TMEM232: variants seen among roughly 807,000 people sequenced by gnomAD.
The protein encoded by TMEM232 is transmembrane protein 232.
In TMEM232, 80 loss-of-function variants were observed where a neutral mutation model predicts 78.8. The observed-to-expected ratio is 1.01, with a 90% CI of 0.85 to 1.22. The LOEUF (loss-of-function observed/expected upper bound fraction) is 1.22, where lower values mean the gene tolerates loss of function less well. TMEM232 is among the 50% of genes most tolerant of loss of function. The pLI, the probability that TMEM232 is intolerant of heterozygous loss-of-function variation, is 0.00. For synonymous variants in TMEM232, 297 were observed against 254.3 expected (o/e 1.17, Z -1.60); for missense variants, 881 against 742.2 (o/e 1.19, Z -2.17).
chr5:110,665,739 G>C (rs917713322), intron 2 of TMEM232, among the ~76,000 whole-genome samples: 1 of 151,866 alleles, frequency 6.6e-6, no homozygotes, highest in Non-Finnish European at 1.5e-5. Flanking sequence ...CACTAATGCA[G>C]ACTTATACTA....
At chr5:110,431,628 T>C (rs1416714307) in intron 12 of TMEM232, among the ~76,000 whole-genome samples, 3 of 126,692 alleles carry the variant, frequency 2.4e-5, no homozygotes, top group East Asian at 4.7e-4. Flanking sequence ...AAAATAACTA[T>C]GATAAGTATA....
At chr5:110,496,940 C>T (rs1765708817) in intron 12 of TMEM232, among the ~76,000 whole-genome samples, 1 of 151,966 alleles carries the variant, frequency 6.6e-6, no homozygotes, top group African/African-American at 2.4e-5. Flanking sequence ...CTTAAATCTA[C>T]AGAGTGCTGT....
chr5:110,508,380 GAAAT>G (rs922469931), intron 12 of TMEM232, among the ~76,000 whole-genome samples: 39 of 150,742 alleles, frequency 2.6e-4, no homozygotes, highest in African/African-American at 9.2e-4. Context: ...GGTAGGAAAT[GAAAT>G]AAAAACAAAA....
intron 1 of TMEM232, among the ~76,000 whole-genome samples, chr5:110,713,222 G>C (rs1052791795): frequency 1.3e-5 from 2 of 152,126 alleles, no homozygotes; most frequent in Non-Finnish European, 2.9e-5. Flanking sequence ...CATGGAGATA[G>C]TACAAGGATT....
intron 12 of TMEM232, among the ~76,000 whole-genome samples, chr5:110,515,834 A>G (rs1240848470): frequency 6.6e-6 from 1 of 152,148 alleles, no homozygotes; most frequent in Non-Finnish European, 1.5e-5. Context: ...CCTTCCTGTA[A>G]AGTCAGCTGT....
intron 2 of TMEM232, among the ~76,000 whole-genome samples, chr5:110,408,117 A>G (rs1427064917): frequency 6.6e-6 from 1 of 152,210 alleles, no homozygotes; most frequent in Non-Finnish European, 1.5e-5. Context: ...AGTTGTATCT[A>G]TGGGATACAA....
intron 12 of TMEM232, among the ~76,000 whole-genome samples, chr5:110,492,497 C>T (rs1765220783): frequency 6.6e-6 from 1 of 151,796 alleles, no homozygotes; most frequent in Non-Finnish European, 1.5e-5. Flanking sequence ...GATAAGACAT[C>T]ATGGTTAACT....
intron 3 of TMEM232, among the ~76,000 whole-genome samples, chr5:110,394,676 A>G (rs1454006315): frequency 1.3e-5 from 2 of 152,106 alleles, no homozygotes; most frequent in Non-Finnish European, 2.9e-5. Flanking sequence ...TTCCTATTTT[A>G]TCTCTTCGTT....
At chr5:110,629,177 A>G (rs953326284) in intron 5 of TMEM232, among the ~76,000 whole-genome samples, 1 of 152,124 alleles carries the variant, frequency 6.6e-6, no homozygotes, top group African/African-American at 2.4e-5. Flanking sequence ...ATAGACAATG[A>G]GTGAATAACT....
At chr5:110,569,884 A>G (rs1776748812) in intron 10 of TMEM232, among the ~76,000 whole-genome samples, 1 of 151,922 alleles carries the variant, frequency 6.6e-6, no homozygotes, top group Non-Finnish European at 1.5e-5. Context: ...ACAGCTGTTG[A>G]ATGAATGATA....
In TMEM232 at chr5:110,528,977, T is replaced by C. The variant is rs115684169; in HGVS notation, c.1456-142A>G. 1.2e-3 allele frequency: 1,109 copies of C among 924,020 alleles called. 13 individuals are homozygous for C. The African/African-American group carries it at 0.017, about 14-fold the overall frequency. The allele number at this position is 924,020 out of a possible 1,614,324, so 57.2% of individuals were successfully genotyped here. A position where few individuals can be genotyped will look rare whatever the true frequency, so the allele number is the denominator to read the frequency against. On this transcript the variant is annotated intron_variant, in intron 11 of 13. Coordinates refer to ENST00000455884, the MANE Select transcript of TMEM232 (RefSeq NM_001039763.4). Reference sequence around the variant, plus strand: ...TCCTGTTAAGTAAAAATAATCTTTATAAAAAAATTGCAGTTTTCCAAAAGA... The same window carrying C: ...TCCTGTTAAGTAAAAATAATCTTTACAAAAAAATTGCAGTTTTCCAAAAGA...
intron 10 of TMEM232, among the ~76,000 whole-genome samples, chr5:110,583,966 C>CAAAA (rs60079206): frequency 2.0e-4 from 20 of 99,044 alleles, no homozygotes; most frequent in African/African-American, 5.7e-4. Flanking sequence ...TATCTATTAT[C>CAAAA]AAAAAAAAAA....
intron 10 of TMEM232, among the ~76,000 whole-genome samples, chr5:110,572,031 G>T (rs1229770549): frequency 2.0e-5 from 3 of 151,982 alleles, no homozygotes; most frequent in Non-Finnish European, 4.4e-5. Context: ...AGAAACTTAA[G>T]ACACTGTGGA....
intron 11 of TMEM232, among the ~76,000 whole-genome samples, chr5:110,533,913 C>A (rs1158004493): frequency 6.6e-6 from 1 of 151,998 alleles, no homozygotes; most frequent in African/African-American, 2.4e-5. Flanking sequence ...CTCTCAGTTC[C>A]TTTCCATCGT....
At position 110,689,171 on chromosome 5, in the gene TMEM232, T is replaced by G. The variant is rs78736166; in HGVS notation, c.-12-21807A>C. Among the ~76,000 whole-genome samples, 817 of 152,258 alleles carry G rather than the reference T, an allele frequency of 5.4e-3. 4 individuals are homozygous for G. The highest frequency in any genetic ancestry group is 0.018 in the African/African-American group (767 of 41,540). On this transcript the variant is annotated intron_variant, in intron 1 of 13. Transcript: ENST00000455884. The stretch of plus-strand genomic sequence containing the variant: ...ATAAATCTCCAAAAATGATTGAGAC[T>G]TGTCTTCCATTGACAGTACCCAGGA...
intron 12 of TMEM232, among the ~76,000 whole-genome samples, chr5:110,521,589 C>CT (rs1769517532): frequency 6.6e-6 from 1 of 152,100 alleles, no homozygotes; most frequent in Non-Finnish European, 1.5e-5. Flanking sequence ...AGTTTCATGT[C>CT]TTACTTAATT....
intron 6 of TMEM232, among the ~76,000 whole-genome samples, chr5:110,626,330 G>A (rs1784421662): frequency 6.6e-6 from 1 of 151,956 alleles, no homozygotes; most frequent in South Asian, 2.1e-4. Flanking sequence ...GAGGAGTTAA[G>A]AAGTAGTTCT....
chr5:110,702,165 G>GA (rs984062181), intron 1 of TMEM232, among the ~76,000 whole-genome samples: 2 of 151,478 alleles, frequency 1.3e-5, no homozygotes, highest in African/African-American at 4.8e-5. Flanking sequence ...AGCTATTCAA[G>GA]AAAAAAAAGA....
upstream of TMEM232, among the ~76,000 whole-genome samples, chr5:110,730,833 T>C (rs1276545303): frequency 6.6e-6 from 1 of 152,176 alleles, no homozygotes; most frequent in Non-Finnish European, 1.5e-5. Flanking sequence ...CAGATCATTC[T>C]GCCCCTGGCC....
Sources: allele counts gnomAD v4.1 joint callset (sites outside exome capture counted in the v4.1 genomes callset), GRCh38; gene constraint gnomAD v4.1.1; transcripts MANE v1.5; gene names NCBI Gene and HGNC (gene_info 2026-07-23, HGNC 2026-07-21).